Variants in PCDH7 observed in about 807,000 individuals in gnomAD.
The protein encoded by PCDH7 is protocadherin-7.
Under a neutral mutation model 58.9 loss-of-function variants are expected in PCDH7, and 17 were observed. That is an observed-to-expected ratio of 0.29 (90% CI 0.20 to 0.43). The LOEUF is 0.43. Among genes scored for constraint, PCDH7 ranks in the 20% least tolerant of loss-of-function variants. PCDH7 has a pLI of 1.00. For synonymous variants in PCDH7, 664 were observed against 616.4 expected (o/e 1.08, Z -1.14); for missense variants, 1,274 against 1,441.0 (o/e 0.88, Z 1.88).
At chr4:30,905,850 A>G (rs1740851056) in intron 1 of PCDH7, among the ~76,000 whole-genome samples, 1 of 152,216 alleles carries the variant, frequency 6.6e-6, no homozygotes, top group African/African-American at 2.4e-5. Flanking sequence ...ATCCTCTGCT[A>G]TTAGAATTAT....
In PCDH7 at chr4:30,807,804, T is replaced by A. The variant is rs536569207; in HGVS notation, c.70+83208T>A. On this transcript the variant is annotated intron_variant, in intron 1 of 3. Transcript: ENST00000509759. ...TATAGGCACACTTTCAAAATTCTCA[T>A]TGATAGAGAGGGCCCAGAGAGAGGC... 2.2e-4 allele frequency among the ~76,000 whole-genome samples: 33 copies of A among 152,268 alleles called. 2 individuals are homozygous for A. In the South Asian group the frequency reaches 6.6e-3, roughly 31 times the overall value.
rs567068016 is a variant in PCDH7, at chr4:30,724,776, C to T, written c.3174+180C>T. On this transcript the variant is annotated intron_variant, in intron 1 of 1. Transcript: ENST00000361762. ...AAGGCCATCTACAAGAGGTATACCA[C>T]TGTATTTTGCAAATTAGAATTAAGG... The T allele has an allele frequency of 1.4e-5, 20 of 1,417,214 alleles. No individual in the cohort carries two copies. The East Asian group carries it at 5.1e-4, about 36-fold the overall frequency. The allele number at this position is 1,417,214 out of a possible 1,614,324, so 87.8% of individuals were successfully genotyped here.
chr4:30,778,600 A>T (rs577741499), intron 1 of PCDH7, among the ~76,000 whole-genome samples: 1 of 151,808 alleles, frequency 6.6e-6, no homozygotes, highest in African/African-American at 2.4e-5. Flanking sequence ...ACTACAAAGA[A>T]TTTTTTTTTG....
rs183247966 is a variant in PCDH7, at chr4:30,786,908, A to G, written c.70+62312A>G. 1.0e-4 allele frequency: 22 copies of G among 209,850 alleles called. No individual in the cohort carries two copies. The East Asian group carries it at 3.5e-3, about 33-fold the overall frequency. 13.0% of individuals were successfully genotyped at this position (209,850 alleles called of 1,614,324 possible). ...CAAGGGGCAGGATCACTAACTGATT[A>G]AAATGAAGCTTTGAGTTTGAAGAAA... On this transcript the variant is annotated intron_variant, in intron 1 of 3. Coordinates refer to the PCDH7 transcript ENST00000509759.
intron 3 of PCDH7, among the ~76,000 whole-genome samples, chr4:31,069,984 T>G (rs546646824): frequency 6.6e-6 from 1 of 151,978 alleles, no homozygotes; most frequent in Non-Finnish European, 1.5e-5. Flanking sequence ...CCCAAATACT[T>G]TGAGTGCATT....
chr4:30,837,675 C>T (rs1461389708), intron 1 of PCDH7, among the ~76,000 whole-genome samples: 1 of 151,512 alleles, frequency 6.6e-6, no homozygotes, highest in African/African-American at 2.4e-5. Flanking sequence ...CTTTACGTAC[C>T]GACAAAGTTT....
chr4:30,967,381 C>A (rs929050064), intron 3 of PCDH7, among the ~76,000 whole-genome samples: 1 of 152,080 alleles, frequency 6.6e-6, no homozygotes, highest in Non-Finnish European at 1.5e-5. Flanking sequence ...TATTTAGAAT[C>A]AAGCAATTCT....
chr4:31,088,444 C>T lies in PCDH7; in HGVS notation c.*8-54029C>T, dbSNP rs573353524. Among the ~76,000 whole-genome samples the T allele has an allele frequency of 3.9e-5, 6 of 152,008 alleles. No homozygotes were observed. In the South Asian group the frequency reaches 6.2e-4, roughly 16 times the overall value. On this transcript the variant is annotated intron_variant, in intron 3 of 3. Transcript: ENST00000509759. ...CTTAGAGAAAGTTTAGTCACTTTTC[C>T]CTTGGCTTTCCCTGGGCCTTTCTTT...
At chr4:31,064,376 T>C (rs1757918907) in intron 3 of PCDH7, among the ~76,000 whole-genome samples, 1 of 152,030 alleles carries the variant, frequency 6.6e-6, no homozygotes, top group Non-Finnish European at 1.5e-5. Flanking sequence ...GTAAGTTCTC[T>C]CTGTGTTTGT....
intron 3 of PCDH7, among the ~76,000 whole-genome samples, chr4:31,104,391 G>T (rs951466737): frequency 6.6e-6 from 1 of 152,064 alleles, no homozygotes; most frequent in Admixed American, 6.6e-5. Context: ...TTTCTCATAC[G>T]CACCCCTTCT....
chr4:31,101,538 G>C (rs1263558781), intron 3 of PCDH7, among the ~76,000 whole-genome samples: 1 of 152,098 alleles, frequency 6.6e-6, no homozygotes, highest in African/African-American at 2.4e-5. Flanking sequence ...TGCCATATCT[G>C]TCTGTGTGCA....
chr4:30,811,168 G>T (rs1177379313), intron 1 of PCDH7, among the ~76,000 whole-genome samples: 1 of 152,188 alleles, frequency 6.6e-6, no homozygotes, highest in East Asian at 1.9e-4. Flanking sequence ...CATGTAGAAG[G>T]ATGGTGTACT....
intron 3 of PCDH7, among the ~76,000 whole-genome samples, chr4:30,974,531 T>G (rs1314991629): frequency 6.6e-6 from 1 of 152,172 alleles, no homozygotes; most frequent in Non-Finnish European, 1.5e-5. Flanking sequence ...TAGTGGAAGC[T>G]GTCATGGGAC....
intron 1 of PCDH7, among the ~76,000 whole-genome samples, chr4:30,871,580 CAA>C (rs1735595246): frequency 6.6e-6 from 1 of 152,054 alleles, no homozygotes; most frequent in Non-Finnish European, 1.5e-5. Flanking sequence ...AAAATAAAAA[CAA>C]AGTGTCGATG....
chr4:31,079,318 A>G (rs1268461033), intron 3 of PCDH7, among the ~76,000 whole-genome samples: 1 of 19,262 alleles, frequency 5.2e-5, no homozygotes, highest in Non-Finnish European at 1.0e-4. Context: ...AGATATATAT[A>G]TATATATATA....
chr4:30,872,142 C>T (rs1735696530), intron 1 of PCDH7, among the ~76,000 whole-genome samples: 2 of 151,992 alleles, frequency 1.3e-5, no homozygotes, highest in Admixed American at 1.3e-4. Context: ...AATTGGGTTC[C>T]TCTGTTTTGT....
chr4:30,786,790 T>C (rs1723452953), intron 1 of PCDH7: 2 of 977,214 alleles, frequency 2.0e-6, no homozygotes, highest in Non-Finnish European at 2.4e-6. Flanking sequence ...AATGAATGTA[T>C]GTGCTCGTAA....
In PCDH7 at chr4:30,722,985, G is replaced by T. The variant is rs1203750284; in HGVS notation, c.1563G>T (p.Leu521=). 6.2e-7 allele frequency: 1 copy of T among 1,613,838 alleles called. No individual in the cohort carries two copies. Among genetic ancestry groups the T allele is most frequent in the Non-Finnish European group, 8.5e-7 (1 of 1,180,038 alleles). The change falls in exon 1 of 2, where the codon CTG becomes CTT. Residue 521 remains leucine (L), a synonymous_variant. Coordinates refer to ENST00000361762, the Ensembl canonical transcript of PCDH7. This position sits in a 1 kb window ranked among gnomAD's most constrained non-coding sequence, Gnocchi z 7.6. ...CCAGCCTCTCGAGCAACAACTCCCT[G>T]ATTGTCAAGGTGGGAGACACCAACG...
chr4:30,765,550 C>T (rs541246675), intron 1 of PCDH7, among the ~76,000 whole-genome samples: 1 of 152,286 alleles, frequency 6.6e-6, no homozygotes, highest in East Asian at 1.9e-4. Context: ...CTTCTTTTAG[C>T]AGAGACATTG....
Sources: allele counts gnomAD v4.1 joint callset (sites outside exome capture counted in the v4.1 genomes callset), GRCh38; gene constraint gnomAD v4.1.1; non-coding constraint Gnocchi (gnomAD v3.1); transcripts MANE v1.5; gene names NCBI Gene and HGNC (gene_info 2026-07-23, HGNC 2026-07-21).